The following CALCR variants were observed in gnomAD, a reference collection of about 807,000 sequenced individuals.
The protein encoded by CALCR is calcitonin receptor.
In CALCR, 47 loss-of-function variants were observed where a neutral mutation model predicts 59.5. The observed-to-expected ratio is 0.79, with a 90% CI of 0.63 to 1.01. The LOEUF (loss-of-function observed/expected upper bound fraction) is 1.01, where lower values mean the gene tolerates loss of function less well. Ranked by LOEUF, CALCR falls within the 50% of genes least tolerant of loss-of-function variation. The probability of loss-of-function intolerance (pLI) is 0.00; values close to 1 mark genes in which losing one functional copy is unlikely to be tolerated. For synonymous variants in CALCR, 213 were observed against 211.3 expected, an observed-to-expected ratio of 1.01 and a Z score of -0.07; for missense variants, 566 against 597.1, an observed-to-expected ratio of 0.95 and a Z score of 0.54.
Position 93,425,221 on chromosome 7 carries a change from T to A in CALCR, c.*1135A>T, listed in dbSNP as rs1022418154. ...ACATGAATTGATTTATGGTTAAATT[T>A]GGAGCAGTTAATTTTTTCCCCTCCT... On this transcript the variant is annotated 3_prime_UTR_variant, in exon 14 of 14. Transcript: ENST00000426151. 1.3e-5 allele frequency: 2 copies of A among 152,618 alleles called. No homozygotes were observed. Among genetic ancestry groups the A allele is most frequent in the African/African-American group, 4.8e-5 (2 of 41,460 alleles). The allele number at this position is 152,618 out of a possible 1,614,324, so 9.5% of individuals were successfully genotyped here. A position where few individuals can be genotyped will look rare whatever the true frequency, so the allele number is the denominator to read the frequency against.
At chr7:93,490,803 A>C (rs1460904974) in intron 2 of CALCR, among the ~76,000 whole-genome samples, 1 of 152,056 alleles carries the variant, frequency 6.6e-6, no homozygotes, top group Non-Finnish European at 1.5e-5. Flanking sequence ...GATAGGAAGA[A>C]TCGATATCGT....
rs1419530682 is a variant in CALCR, at chr7:93,460,826, C to A, written c.643G>T (p.Asp215Tyr). The change falls in exon 8 of 14, where the codon GAC becomes TAC. Residue 215 changes from aspartate (D) to tyrosine (Y), a missense_variant. Coordinates refer to ENST00000426151, the MANE Select transcript of CALCR (RefSeq NM_001742.4). ...VVPNGELVRR[D>Y]PVSCKILHFF... ...CAAAACTATGCAGTACTTACCGGGT[C>A]CCTTCGCACGAGCTCTCCATTGGGT... 1.2e-6 allele frequency: 2 copies of A among 1,603,714 alleles called. No individual in the cohort carries two copies. Among genetic ancestry groups the A allele is most frequent in the Non-Finnish European group, 1.7e-6 (2 of 1,175,798 alleles).
At chr7:93,484,299 G>A (rs912772999) in intron 3 of CALCR, among the ~76,000 whole-genome samples, 2 of 151,760 alleles carry the variant, frequency 1.3e-5, no homozygotes, top group African/African-American at 4.8e-5. Context: ...GCAGTTTCTA[G>A]AAGTACAGAG....
intron 3 of CALCR, chr7:93,482,894 T>A (rs977219769): frequency 1.9e-6 from 1 of 530,574 alleles, no homozygotes; most frequent in African/African-American, 1.9e-5. Flanking sequence ...AGTAATAATC[T>A]GCATCAGTTC....
chr7:93,534,729 C>G (rs1370705288), intron 2 of CALCR, among the ~76,000 whole-genome samples: 2 of 151,630 alleles, frequency 1.3e-5, no homozygotes, highest in Admixed American at 6.6e-5. Flanking sequence ...TTCTCTTCCT[C>G]CTTCATTTTC....
At chr7:93,534,490 T>TA (rs1426732500) in intron 2 of CALCR, among the ~76,000 whole-genome samples, 3 of 151,820 alleles carry the variant, frequency 2.0e-5, no homozygotes, top group South Asian at 4.1e-4. Flanking sequence ...AAAATAATTG[T>TA]CATGCTTTTG....
chr7:93,468,833 A>AACAAACAAACAC, intron 6 of CALCR, 27 bp from the exon 7 acceptor site: 1 of 1,268,432 alleles, frequency 7.9e-7, no homozygotes, highest in Non-Finnish European at 1.1e-6. Context: ...TAAACAAACA[A>AACAAACAAACAC]ACAATGAATG....
At chr7:93,490,423 A>C (rs1022575747) in intron 2 of CALCR, among the ~76,000 whole-genome samples, 1 of 151,884 alleles carries the variant, frequency 6.6e-6, no homozygotes, top group Non-Finnish European at 1.5e-5. Flanking sequence ...AGGCAAGAGA[A>C]ATAAATGAAG....
Position 93,496,332 on chromosome 7 carries a change from C to T in CALCR, c.-26-9325G>A, listed in dbSNP as rs114886394. Among the ~76,000 whole-genome samples, 161 of 151,562 alleles carry T rather than the reference C, an allele frequency of 1.1e-3. 1 individual carries two copies. The highest frequency in any genetic ancestry group is 3.9e-3 in the African/African-American group (160 of 41,438). On this transcript the variant is annotated intron_variant, in intron 2 of 13. Transcript: ENST00000426151. ...GAAAAAGACCCCTTTGATGTTAACT[C>T]TTCATTTCCCAAACCTGATTGACCA...
chr7:93,560,912 T>G (rs1357402731), intron 2 of CALCR, among the ~76,000 whole-genome samples: 1 of 152,174 alleles, frequency 6.6e-6, no homozygotes, highest in Non-Finnish European at 1.5e-5. Context: ...TGAGTTGTAG[T>G]TTTCTCAATT....
At chr7:93,564,254 G>C (rs1017592811) in intron 2 of CALCR, among the ~76,000 whole-genome samples, 1 of 152,190 alleles carries the variant, frequency 6.6e-6, no homozygotes, top group East Asian at 1.9e-4. Context: ...AATGTGTGGG[G>C]GGGGACAGAG....
At chr7:93,460,469 T>C (rs1800292870) in intron 8 of CALCR, among the ~76,000 whole-genome samples, 1 of 149,254 alleles carries the variant, frequency 6.7e-6, no homozygotes, top group Non-Finnish European at 1.5e-5. Flanking sequence ...GGCAGGAGAA[T>C]TGCTTGAACC....
chr7:93,565,361 G>A (rs1789841095), intron 2 of CALCR, among the ~76,000 whole-genome samples: 1 of 152,182 alleles, frequency 6.6e-6, no homozygotes, highest in Non-Finnish European at 1.5e-5. Flanking sequence ...TTAAAATGCA[G>A]ACCATAACTT....
At chr7:93,427,456 G>A (rs536294121) in intron 13 of CALCR, among the ~76,000 whole-genome samples, 1 of 152,232 alleles carries the variant, frequency 6.6e-6, no homozygotes, top group African/African-American at 2.4e-5. Flanking sequence ...GTATTTCTGA[G>A]TTTCTATTGC....
chr7:93,485,547 T>C (rs142040404), intron 3 of CALCR, among the ~76,000 whole-genome samples: 1 of 151,772 alleles, frequency 6.6e-6, no homozygotes, highest in African/African-American at 2.4e-5. Context: ...TCAAAAATAT[T>C]CACATATACC....
At chr7:93,544,230 C>T (rs993402197) in intron 2 of CALCR, among the ~76,000 whole-genome samples, 1 of 151,720 alleles carries the variant, frequency 6.6e-6, no homozygotes, top group African/African-American at 2.4e-5. Context: ...TCTTCTGATA[C>T]CAAATATTAA....
At chr7:93,492,824 T>C (rs968257330) in intron 2 of CALCR, among the ~76,000 whole-genome samples, 3 of 151,272 alleles carry the variant, frequency 2.0e-5, no homozygotes, top group Non-Finnish European at 4.4e-5. Flanking sequence ...TATTTTGAGA[T>C]AAAATTTGAA....
intron 7 of CALCR, among the ~76,000 whole-genome samples, chr7:93,467,549 A>T (rs531429341): frequency 6.6e-6 from 1 of 151,868 alleles, no homozygotes; most frequent in South Asian, 2.1e-4. Context: ...TCAAATTAAG[A>T]TTCTACTATG....
intron 3 of CALCR, among the ~76,000 whole-genome samples, chr7:93,481,471 A>G (rs1800795549): frequency 6.6e-6 from 1 of 151,860 alleles, no homozygotes; most frequent in Non-Finnish European, 1.5e-5. Context: ...AAACAGTAAT[A>G]GTCAAATAGC....
Sources: gnomAD v4.1 joint callset for allele counts (sites outside exome capture counted in the v4.1 genomes callset) on GRCh38, gnomAD v4.1.1 for gene constraint, MANE v1.5 for transcripts, NCBI Gene and HGNC (gene_info 2026-07-23, HGNC 2026-07-21) for gene names.